RUNX3: variants seen among roughly 807,000 people sequenced by gnomAD.
The protein encoded by RUNX3 is RUNX family transcription factor 3.
In RUNX3, 10 loss-of-function variants were observed where a neutral mutation model predicts 27.7. That is an observed-to-expected ratio of 0.36 (90% CI 0.22 to 0.61). The LOEUF (loss-of-function observed/expected upper bound fraction) is 0.61, where lower values mean the gene tolerates loss of function less well. RUNX3 is among the 20% of genes least tolerant of loss of function. RUNX3 has a pLI of 0.72. For missense variants in RUNX3, 469 were observed against 629.5 expected (o/e 0.75, Z 2.73); for synonymous variants, 270 against 269.2 (o/e 1.00, Z -0.03).
upstream of RUNX3, chr1:24,930,402 A>T: frequency 4.6e-6 from 1 of 217,802 alleles, no homozygotes; most frequent in South Asian, 1.6e-4. This position sits in a 1 kb window ranked among gnomAD's most constrained non-coding sequence, Gnocchi z 4.1. Context: ...GTTCGCGGGG[A>T]GGAACGGGGC....
chr1:24,919,404 C>T (rs1240589556), intron 2 of RUNX3, 60 bp from the exon 3 acceptor site: 18 of 1,103,246 alleles, frequency 1.6e-5, no homozygotes, highest in Non-Finnish European at 2.2e-5. Flanking sequence ...CAATACCCTG[C>T]TCTCCCACCT....
rs554691530 is a variant in RUNX3, at chr1:24,923,010, C to T, written c.440-3666G>A. On this transcript the variant is annotated intron_variant, in intron 2 of 4. Coordinates refer to ENST00000308873, the MANE Select transcript of RUNX3 (RefSeq NM_004350.3). This position sits in a 1 kb window ranked among gnomAD's most constrained non-coding sequence, Gnocchi z 5.9. ...TGTCTCCAGCCCCTAGGACGGCATCCGGCACAGAGTAGGTGCTCAACAACA... is the reference window on the plus strand; with the variant it reads ...TGTCTCCAGCCCCTAGGACGGCATCTGGCACAGAGTAGGTGCTCAACAACA... Among the ~76,000 whole-genome samples, 6 of 152,216 alleles carry T rather than the reference C, an allele frequency of 3.9e-5. No individual in the cohort carries two copies. Among genetic ancestry groups the T allele is most frequent in the Admixed American group, 6.5e-5 (1 of 15,300 alleles).
upstream of RUNX3, among the ~76,000 whole-genome samples, chr1:24,934,149 A>T (rs974616706): frequency 3.9e-5 from 6 of 152,180 alleles, no homozygotes; most frequent in African/African-American, 1.2e-4. Flanking sequence ...TGCTGAGTAA[A>T]CTAGGACTCA....
chr1:24,900,005 G>C lies in RUNX3; in HGVS notation c.*2117C>G, dbSNP rs982195425. On this transcript the variant is annotated 3_prime_UTR_variant, in exon 5 of 5. Transcript: ENST00000308873. The stretch of plus-strand genomic sequence containing the variant: ...TTATTTACTATCCCTGCCTCTCCAG[G>C]ATCAGGAAGGGTTAGTAATCTGGGA... 1 of 152,348 alleles carries C rather than the reference G, an allele frequency of 6.6e-6. No homozygotes were observed. 9.4% of individuals were successfully genotyped at this position (152,348 alleles called of 1,614,324 possible).
chr1:24,937,885 T>TC (rs1641385024), intron 2 of RUNX3, among the ~76,000 whole-genome samples: 1 of 152,180 alleles, frequency 6.6e-6, no homozygotes, highest in Non-Finnish European at 1.5e-5. Flanking sequence ...CTGCCTTGAG[T>TC]CTGGTCTGGA....
At chr1:24,912,320 G>C (rs1471585570) in intron 3 of RUNX3, among the ~76,000 whole-genome samples, 3 of 152,210 alleles carry the variant, frequency 2.0e-5, no homozygotes, top group Non-Finnish European at 4.4e-5. Flanking sequence ...AAAGAAGGCA[G>C]GGCTGCTGGC....
chr1:24,916,172 C>T lies in RUNX3; in HGVS notation c.544+3068G>A, dbSNP rs1571311907. Among the ~76,000 whole-genome samples, 1 of 152,086 alleles carries T rather than the reference C, an allele frequency of 6.6e-6. No homozygotes were observed. Among genetic ancestry groups the T allele is most frequent in the Non-Finnish European group, 1.5e-5 (1 of 68,020 alleles). ...ACAGCGGGCTCAGATTTCAGAGGGT[C>T]GGAGGTGGCAAAACAGGAAAAAAGC... On this transcript the variant is annotated intron_variant, in intron 3 of 4. Coordinates refer to ENST00000308873, the MANE Select transcript of RUNX3 (RefSeq NM_004350.3). The surrounding 1 kb of genome is among the most constrained non-coding windows in gnomAD (Gnocchi z 4.8).
intron 2 of RUNX3, among the ~76,000 whole-genome samples, chr1:24,924,367 A>G (rs1641058820): frequency 6.6e-6 from 1 of 152,256 alleles, no homozygotes; most frequent in Admixed American, 6.5e-5. Context: ...TCCCAAAAAA[A>G]AGTAAAAGAA....
chr1:24,929,020 GT>G (rs1461075365), intron 1 of RUNX3: 1 of 456,834 alleles, frequency 2.2e-6, no homozygotes, highest in Non-Finnish European at 4.4e-6. Flanking sequence ...AGGGTTAGGG[GT>G]CCCCCAATCT....
intron 2 of RUNX3, among the ~76,000 whole-genome samples, chr1:24,922,044 G>A (rs1042994968): frequency 6.6e-6 from 1 of 152,058 alleles, no homozygotes; most frequent in African/African-American, 2.4e-5. Context: ...TGGACCTCCC[G>A]GGCTCAAGTG....
intron 2 of RUNX3, among the ~76,000 whole-genome samples, chr1:24,947,144 G>A (rs1369047984): frequency 6.6e-6 from 1 of 152,206 alleles, no homozygotes; most frequent in Non-Finnish European, 1.5e-5. Context: ...CATCTTACAG[G>A]TGAGAACACT....
intron 4 of RUNX3, among the ~76,000 whole-genome samples, chr1:24,905,983 C>T (rs1019928628): frequency 1.3e-5 from 2 of 152,226 alleles, no homozygotes; most frequent in African/African-American, 4.8e-5. Flanking sequence ...GGGCCTGGGG[C>T]TTCTCCCAAC....
rs564830642 is a variant in RUNX3 at position 24,935,585 on chromosome 1, G to T, written c.59-5733C>A. Among the ~76,000 whole-genome samples the T allele has an allele frequency of 2.6e-5, 4 of 152,308 alleles. No individual in the cohort carries two copies. The South Asian group carries it at 8.3e-4, about 32-fold the overall frequency. The stretch of plus-strand genomic sequence containing the variant: ...GCAGAGCAGAAAAACCGTCTCCATC[G>T]GTTACCAGGGAAGGGGTTTCTGGTT... On this transcript the variant is annotated intron_variant, in intron 2 of 6. Coordinates refer to the RUNX3 transcript ENST00000338888.
chr1:24,915,746 C>A (rs943245473), intron 3 of RUNX3, among the ~76,000 whole-genome samples: 1 of 152,052 alleles, frequency 6.6e-6, no homozygotes, highest in African/African-American at 2.4e-5. Context: ...AGCCAGGATA[C>A]CAGGGTGGCC....
chr1:24,963,942 C>T (rs1483368647), intron 2 of RUNX3, among the ~76,000 whole-genome samples: 1 of 152,250 alleles, frequency 6.6e-6, no homozygotes. Context: ...AGGTCTGTCC[C>T]CCTGCCCCGT....
In RUNX3 at chr1:24,962,737, G is replaced by A. The variant is rs930820038; in HGVS notation, c.58+1777C>T. On this transcript the variant is annotated intron_variant, in intron 2 of 6. Transcript: ENST00000338888. The surrounding 1 kb of genome is among the most constrained non-coding windows in gnomAD (Gnocchi z 4.5). ...GCCCAGCGGCCTCCTGTCTCTGGGC[G>A]CATACATGACATGTTGGGCCAAAGC... Among the ~76,000 whole-genome samples, 1 of 152,148 alleles carries A rather than the reference G, an allele frequency of 6.6e-6. No individual in the cohort carries two copies. The highest frequency in any genetic ancestry group is 2.4e-5 in the African/African-American group (1 of 41,430).
At chr1:24,919,741 G>C (rs1401399122) in intron 2 of RUNX3, among the ~76,000 whole-genome samples, 2 of 150,408 alleles carry the variant, frequency 1.3e-5, no homozygotes, top group African/African-American at 5.0e-5. Context: ...TATAAATAAA[G>C]AAGAAAAGAC....
chr1:24,957,842 C>A (rs944815685), intron 2 of RUNX3, among the ~76,000 whole-genome samples: 4 of 152,224 alleles, frequency 2.6e-5, no homozygotes, highest in African/African-American at 9.6e-5. Context: ...CCTCTCCCAA[C>A]GCCACACAGC....
chr1:24,933,963 C>T (rs1056854330), upstream of RUNX3, among the ~76,000 whole-genome samples: 2 of 152,190 alleles, frequency 1.3e-5, no homozygotes, highest in Non-Finnish European at 2.9e-5. Context: ...TGCCCAGTGC[C>T]CTAGAACTCA....
Sources: allele counts gnomAD v4.1 joint callset (sites outside exome capture counted in the v4.1 genomes callset), GRCh38; gene constraint gnomAD v4.1.1; non-coding constraint Gnocchi (gnomAD v3.1); transcripts MANE v1.5; gene names NCBI Gene and HGNC (gene_info 2026-07-23, HGNC 2026-07-21).